CTNNA2: variants seen among roughly 807,000 people sequenced by gnomAD.
CTNNA2 encodes the protein catenin alpha 2.
A neutral mutation model predicts 101.0 loss-of-function variants in CTNNA2; 42 were observed. The observed-to-expected ratio is 0.42, with a 90% CI of 0.32 to 0.54. The LOEUF is 0.54. Among genes scored for constraint, CTNNA2 ranks in the 20% least tolerant of loss-of-function variants. CTNNA2 has a pLI of 0.14. For missense variants in CTNNA2, 871 were observed against 1,223.1 expected (o/e 0.71, Z 4.29); for synonymous variants, 450 against 456.4 (o/e 0.99, Z 0.18).
chr2:80,296,687 G>A (rs937657895), intron 7 of CTNNA2, among the ~76,000 whole-genome samples: 10 of 152,188 alleles, frequency 6.6e-5, no homozygotes, highest in East Asian at 1.9e-4. Flanking sequence ...ACTTTCTGTC[G>A]TGGAGCAGGG....
chr2:80,070,382 C>T (rs1249314154), intron 7 of CTNNA2, among the ~76,000 whole-genome samples: 4 of 152,018 alleles, frequency 2.6e-5, no homozygotes, highest in African/African-American at 9.7e-5. Flanking sequence ...AACTTGGTTG[C>T]ATAAAGCAAC....
chr2:80,405,258 T>G (rs1360292938), intron 8 of CTNNA2, among the ~76,000 whole-genome samples: 1 of 152,186 alleles, frequency 6.6e-6, no homozygotes, highest in East Asian at 1.9e-4. Flanking sequence ...TTCAGAGAGA[T>G]ATTACTATCA....
intron 9 of CTNNA2, among the ~76,000 whole-genome samples, chr2:80,544,382 G>C (rs1007349965): frequency 1.3e-5 from 2 of 152,022 alleles, no homozygotes; most frequent in African/African-American, 4.8e-5. Flanking sequence ...CTTTATACTA[G>C]ATCTGCACAT....
chr2:79,702,391 C>T (rs1447055677), intron 2 of CTNNA2, among the ~76,000 whole-genome samples: 1 of 152,042 alleles, frequency 6.6e-6, no homozygotes, highest in Non-Finnish European at 1.5e-5. Context: ...AATAGCAGAG[C>T]TAAGTAGTTG....
At chr2:80,563,933 A>T (rs953809936) in intron 12 of CTNNA2, among the ~76,000 whole-genome samples, 1 of 152,098 alleles carries the variant, frequency 6.6e-6, no homozygotes, top group Non-Finnish European at 1.5e-5. Context: ...TACCTGAGGC[A>T]TGTGTGTATG....
At chr2:80,244,682 A>G (rs577562807) in intron 7 of CTNNA2, among the ~76,000 whole-genome samples, 10 of 152,332 alleles carry the variant, frequency 6.6e-5, no homozygotes, top group Middle Eastern at 3.4e-3. Flanking sequence ...TCAAGAAACC[A>G]CAATTATTTT....
intron 2 of CTNNA2, among the ~76,000 whole-genome samples, chr2:79,726,454 A>G (rs1184015535): frequency 2.0e-5 from 3 of 152,276 alleles, no homozygotes; most frequent in Admixed American, 2.0e-4. Flanking sequence ...CAGTGGGGGC[A>G]TTAGATTCTC....
At chr2:79,890,140 T>A (rs893131386) in intron 6 of CTNNA2, among the ~76,000 whole-genome samples, 3 of 152,190 alleles carry the variant, frequency 2.0e-5, no homozygotes, top group Non-Finnish European at 4.4e-5. Flanking sequence ...TGAGATTTCT[T>A]CTGCTTTGTT....
chr2:79,595,213 T>C (rs955862995), intron 1 of CTNNA2, among the ~76,000 whole-genome samples: 1 of 152,216 alleles, frequency 6.6e-6, no homozygotes, highest in Non-Finnish European at 1.5e-5. Context: ...TCTTTTTTCA[T>C]AGGTCTTCAT....
At chr2:79,892,925 A>G (rs1306372273) in intron 6 of CTNNA2, among the ~76,000 whole-genome samples, 1 of 152,152 alleles carries the variant, frequency 6.6e-6, no homozygotes, top group Non-Finnish European at 1.5e-5. Flanking sequence ...AAAAATAAAG[A>G]AAGAGTTTCT....
chr2:80,554,270 A>C (rs1692831801), intron 11 of CTNNA2, among the ~76,000 whole-genome samples: 1 of 152,182 alleles, frequency 6.6e-6, no homozygotes, highest in Non-Finnish European at 1.5e-5. Flanking sequence ...AATCAGAACT[A>C]GCCCTAAAAG....
At chr2:79,984,027 A>C (rs1192691270) in intron 7 of CTNNA2, among the ~76,000 whole-genome samples, 2 of 152,158 alleles carry the variant, frequency 1.3e-5, no homozygotes, top group Non-Finnish European at 1.5e-5. Context: ...CATTACTCCA[A>C]AACCTCGGTT....
intron 1 of CTNNA2, among the ~76,000 whole-genome samples, chr2:79,640,237 G>A (rs1034930427): frequency 2.0e-5 from 3 of 152,146 alleles, no homozygotes; most frequent in African/African-American, 7.2e-5. Flanking sequence ...TGTAAACAGG[G>A]AGACTTCCTA....
At chr2:79,271,393 G>A (rs948938597) in intron 2 of CTNNA2, among the ~76,000 whole-genome samples, 3 of 151,990 alleles carry the variant, frequency 2.0e-5, no homozygotes, top group African/African-American at 7.2e-5. Context: ...TAACAGATAA[G>A]GAAAACAGAA....
At chr2:79,653,768 A>G (rs985303549) in intron 2 of CTNNA2, among the ~76,000 whole-genome samples, 3 of 152,040 alleles carry the variant, frequency 2.0e-5, no homozygotes, top group African/African-American at 7.3e-5. Flanking sequence ...ACATTTCACT[A>G]TAAACAGCAA....
intron 4 of CTNNA2, among the ~76,000 whole-genome samples, chr2:79,444,370 A>G (rs957725893): frequency 2.0e-5 from 3 of 152,160 alleles, no homozygotes; most frequent in African/African-American, 7.2e-5. Flanking sequence ...ATAGCCACAA[A>G]GAAACTGAAG....
At chr2:80,298,701 G>A (rs1050010858) in intron 7 of CTNNA2, 1 of 152,212 alleles carries the variant, frequency 6.6e-6, no homozygotes, top group Non-Finnish European at 1.5e-5. Flanking sequence ...AGAAAAGGTT[G>A]GGGGCTCTTC....
chr2:80,141,986 A>C (rs1035399224), intron 7 of CTNNA2, among the ~76,000 whole-genome samples: 1 of 152,004 alleles, frequency 6.6e-6, no homozygotes, highest in Non-Finnish European at 1.5e-5. Context: ...GATAAAGAGG[A>C]ACTGAGGACT....
At chr2:79,404,034 T>C (rs1558658841) in intron 4 of CTNNA2, among the ~76,000 whole-genome samples, 1 of 151,984 alleles carries the variant, frequency 6.6e-6, no homozygotes, top group Non-Finnish European at 1.5e-5. Context: ...TCCGTAGAAT[T>C]TACTAGAATT....
Sources: allele counts gnomAD v4.1 joint callset (sites outside exome capture counted in the v4.1 genomes callset), GRCh38; gene constraint gnomAD v4.1.1; transcripts MANE v1.5; gene names NCBI Gene and HGNC (gene_info 2026-07-23, HGNC 2026-07-21).